MYH15: variants seen among roughly 807,000 people sequenced by gnomAD.
MYH15 encodes the protein myosin heavy chain 15, also known as myosin-15.
In MYH15, 227 loss-of-function variants were observed where a neutral mutation model predicts 240.5. The observed-to-expected ratio is 0.94, with a 90% CI of 0.85 to 1.05. MYH15 has a LOEUF of 1.05. Among genes scored for constraint, MYH15 ranks in the 50% least tolerant of loss-of-function variants. The pLI is 0.00. For synonymous variants in MYH15, 785 were observed against 796.7 expected, an observed-to-expected ratio of 0.99 and a Z score of 0.25; for missense variants, 2,217 against 2,247.5, an observed-to-expected ratio of 0.99 and a Z score of 0.27.
chr3:108,518,310 C>A (rs115910830), intron 1 of MYH15, among the ~76,000 whole-genome samples: 2,320 of 152,258 alleles, frequency 0.015, 49 homozygotes, highest in Non-Finnish European at 0.017. Flanking sequence ...ACCTTTACAT[C>A]CAATCAATTG....
chr3:108,436,482 G>T (rs1026501275), intron 25 of MYH15, among the ~76,000 whole-genome samples: 3 of 152,164 alleles, frequency 2.0e-5, no homozygotes, highest in Non-Finnish European at 4.4e-5. Context: ...CTCACAGCTG[G>T]TCACTGGACT....
At chr3:108,406,993 T>C (rs1010907176) in intron 32 of MYH15, among the ~76,000 whole-genome samples, 1 of 152,156 alleles carries the variant, frequency 6.6e-6, no homozygotes, top group African/African-American at 2.4e-5. Flanking sequence ...CTTGCCAGGA[T>C]AGCCAGAGAA....
intron 24 of MYH15, 133 bp from the exon 25 acceptor site, chr3:108,437,832 T>C (rs1327581002): frequency 1.8e-5 from 16 of 906,100 alleles, no homozygotes; most frequent in Non-Finnish European, 2.4e-5. Flanking sequence ...CCCAGTAACA[T>C]AGATATTTCC....
intron 1 of MYH15, among the ~76,000 whole-genome samples, chr3:108,520,938 C>T (rs1027875244): frequency 2.0e-5 from 3 of 152,044 alleles, no homozygotes; most frequent in Non-Finnish European, 4.4e-5. Flanking sequence ...ATCCTCATAA[C>T]AACCTTGTAA....
At chr3:108,445,028 A>G in intron 21 of MYH15, 133 bp from the exon 22 acceptor site, 1 of 1,010,964 alleles carries the variant, frequency 9.9e-7, no homozygotes, top group Admixed American at 3.0e-5. Context: ...AAGCACTTTT[A>G]TATCTGGACT....
chr3:108,491,012 T>C (rs1443697183), intron 9 of MYH15, among the ~76,000 whole-genome samples: 1 of 152,030 alleles, frequency 6.6e-6, no homozygotes, highest in East Asian at 1.9e-4. Flanking sequence ...CTCAGTCTCC[T>C]GAGTAGCCAG....
chr3:108,416,418 T>A (rs1471866312), intron 29 of MYH15, among the ~76,000 whole-genome samples: 3 of 152,220 alleles, frequency 2.0e-5, no homozygotes, highest in Non-Finnish European at 4.4e-5. Flanking sequence ...TAGGAAGAAA[T>A]GACTAATTTC....
At chr3:108,508,409 T>C (rs918567619) in intron 1 of MYH15, among the ~76,000 whole-genome samples, 2 of 152,210 alleles carry the variant, frequency 1.3e-5, no homozygotes, top group African/African-American at 4.8e-5. Context: ...AGCAATGGAT[T>C]TGAGGGAGGC....
chr3:108,550,024 A>T, the MYH15 span: 2 of 152,004 alleles, frequency 1.3e-5, no homozygotes, highest in Admixed American at 6.6e-5. Flanking sequence ...ATATTTTTTA[A>T]AAAATTTCCA....
At chr3:108,538,239 G>A in the MYH15 span, among the ~76,000 whole-genome samples, 1 of 152,166 alleles carries the variant, frequency 6.6e-6, no homozygotes, top group Non-Finnish European at 1.5e-5. Flanking sequence ...CAAGTTGTTA[G>A]ATGCCAGACT....
chr3:108,484,661 G>T (rs551680120), intron 11 of MYH15, among the ~76,000 whole-genome samples: 1 of 151,946 alleles, frequency 6.6e-6, no homozygotes, highest in Admixed American at 6.6e-5. Context: ...TGTATTTTTA[G>T]TAGAGACAGG....
intron 11 of MYH15, among the ~76,000 whole-genome samples, chr3:108,484,112 T>C (rs1003242464): frequency 3.3e-5 from 5 of 152,200 alleles, no homozygotes; most frequent in African/African-American, 1.2e-4. Context: ...ATTAAAAATA[T>C]AAAATTTAAA....
At chr3:108,500,849 A>G (rs1196162606) in intron 3 of MYH15, among the ~76,000 whole-genome samples, 1 of 152,206 alleles carries the variant, frequency 6.6e-6, no homozygotes, top group African/African-American at 2.4e-5. Context: ...TTGTGTTCTT[A>G]TAAGAGACAC....
At chr3:108,498,716 T>A in intron 5 of MYH15, among the ~76,000 whole-genome samples, 1 of 152,250 alleles carries the variant, frequency 6.6e-6, no homozygotes, top group East Asian at 1.9e-4. Context: ...TAGTTTATCC[T>A]GTCTGTGAAA....
At chr3:108,434,079 A>G (rs1298277762) in intron 25 of MYH15, among the ~76,000 whole-genome samples, 6 of 151,298 alleles carry the variant, frequency 4.0e-5, no homozygotes, top group Non-Finnish European at 7.4e-5. Flanking sequence ...TTACATTAAG[A>G]TATTGATAAT....
chr3:108,445,076 T>C (rs1217669925), intron 21 of MYH15, among the ~76,000 whole-genome samples, 181 bp from the exon 22 acceptor site: 4 of 152,208 alleles, frequency 2.6e-5, no homozygotes, highest in African/African-American at 9.6e-5. Flanking sequence ...AAGGGATATC[T>C]GGGGTTAGCA....
At chr3:108,499,609 T>C in intron 4 of MYH15, 127 bp from the exon 5 acceptor site, 6 of 923,052 alleles carry the variant, frequency 6.5e-6, no homozygotes, top group Non-Finnish European at 5.0e-6. Context: ...GCATCATTTA[T>C]AGTTAGAAAA....
intron 16 of MYH15, 31 bp downstream of exon 16, chr3:108,463,080 C>A (rs750258190): frequency 1.3e-6 from 2 of 1,573,834 alleles, no homozygotes; most frequent in Admixed American, 2.0e-5. Flanking sequence ...CATTCTGAGG[C>A]TGAAAAATCA....
chr3:108,496,570 A>G (rs1430289457), intron 6 of MYH15, among the ~76,000 whole-genome samples: 1 of 152,198 alleles, frequency 6.6e-6, no homozygotes, highest in African/African-American at 2.4e-5. Flanking sequence ...CCCTACTACT[A>G]TATAATATTC....
Sources: allele counts gnomAD v4.1 joint callset (sites outside exome capture counted in the v4.1 genomes callset), GRCh38; gene constraint gnomAD v4.1.1; transcripts MANE v1.5; gene names NCBI Gene and HGNC (gene_info 2026-07-23, HGNC 2026-07-21).